Variants in MYH11 observed in about 807,000 individuals in gnomAD.
MYH11 encodes myosin-11.
A neutral mutation model predicts 246.6 loss-of-function variants in MYH11; 80 were observed. That is an observed-to-expected ratio of 0.32 (90% confidence interval 0.27 to 0.39). The LOEUF (loss-of-function observed/expected upper bound fraction) is 0.39, where lower values mean the gene tolerates loss of function less well. MYH11 is among the 10% of genes least tolerant of loss of function. The pLI is 1.00. For synonymous variants in MYH11, 1,071 were observed against 1,015.5 expected (o/e 1.05, Z -1.04); for missense variants, 2,158 against 2,546.8 (o/e 0.85, Z 3.29).
chr16:15,744,487 C>T (rs1192615952), intron 20 of MYH11, among the ~76,000 whole-genome samples: 3 of 150,838 alleles, frequency 2.0e-5, no homozygotes, highest in African/African-American at 7.3e-5. Context: ...GCCACCGTGC[C>T]TGGCCTTTTT....
At chr16:15,778,731 TG>T (rs1306297102) in intron 7 of MYH11, 48 bp downstream of exon 7, 1 of 1,569,444 alleles carries the variant, frequency 6.4e-7, no homozygotes. Flanking sequence ...GGCAGGAGAT[TG>T]GTAGGGGGCA....
intron 3 of MYH11, among the ~76,000 whole-genome samples, chr16:15,816,609 T>C (rs1038680407): frequency 4.6e-5 from 7 of 152,062 alleles, no homozygotes; most frequent in African/African-American, 1.7e-4. Flanking sequence ...GATAAAATTA[T>C]ACTGGGACTC....
At chr16:15,845,285 A>G (rs575107234) in intron 1 of MYH11, among the ~76,000 whole-genome samples, 124 of 138,560 alleles carry the variant, frequency 8.9e-4, no homozygotes, top group Non-Finnish European at 1.5e-3. Flanking sequence ...AAACAGTATG[A>G]TATTTTTTCG....
chr16:15,836,927 G>A (rs1187616296), intron 2 of MYH11, among the ~76,000 whole-genome samples: 4 of 151,866 alleles, frequency 2.6e-5, no homozygotes, highest in East Asian at 1.9e-4. Context: ...GTTTCATCAC[G>A]TTGGCCAGGC....
At chr16:15,723,310 G>A (rs1394014864) in intron 31 of MYH11, among the ~76,000 whole-genome samples, 1 of 152,106 alleles carries the variant, frequency 6.6e-6, no homozygotes, top group Non-Finnish European at 1.5e-5. Flanking sequence ...GCTCTGAAAT[G>A]TACCCAAGAG....
intron 28 of MYH11, 81 bp from the exon 29 acceptor site, chr16:15,725,073 A>C: frequency 2.7e-6 from 3 of 1,112,708 alleles, no homozygotes; most frequent in Non-Finnish European, 4.0e-6. Flanking sequence ...CTCAAAACAC[A>C]TGGGCTAGTA....
At chr16:15,763,741 T>TGGGGCCCCCCCCCC in intron 10 of MYH11, 55 bp downstream of exon 10, 2 of 646,854 alleles carry the variant, frequency 3.1e-6, no homozygotes, top group African/African-American at 2.1e-5. Flanking sequence ...AAATGTCACC[T>TGGGGCCCCCCCCCC]CCCCCACCCC....
intron 5 of MYH11, chr16:15,785,221 G>C (rs954021833): frequency 4.5e-5 from 7 of 154,474 alleles, no homozygotes; most frequent in African/African-American, 1.7e-4. Context: ...GCCACATTAG[G>C]CTCCTTAAAA....
chr16:15,725,570 T>TA (rs1273386667), intron 28 of MYH11: 4 of 407,346 alleles, frequency 9.8e-6, no homozygotes, highest in Non-Finnish European at 1.7e-5. Context: ...TTGAGGCTGT[T>TA]AGCCTACCCC....
At chr16:15,760,171 T>C (rs2041835461) in intron 11 of MYH11, among the ~76,000 whole-genome samples, 1 of 151,890 alleles carries the variant, frequency 6.6e-6, no homozygotes. Flanking sequence ...AAATGAGGGA[T>C]AAAGAGATGG....
Position 15,741,526 on chromosome 16 carries a change from C to T in MYH11, c.2796G>A (p.Glu932=). Residue 932 remains glutamate (E), a synonymous_variant, in exon 22 of 41, where the codon GAG becomes GAA. Coordinates refer to ENST00000300036, the MANE Select transcript of MYH11 (RefSeq NM_002474.3). ...EILHEMEARL[E]EEEDRGQQLQ... ...GCTGCTGGCCCCTGTCTTCCTCCTC[C>T]TCCAGGCGGGCCTCCATCTCATGCA... 6.2e-7 allele frequency: 1 copy of T among 1,610,106 alleles called. No individual in the cohort carries two copies. The highest frequency in any genetic ancestry group is 8.5e-7 in the Non-Finnish European group (1 of 1,180,024).
At chr16:15,744,802 A>G (rs1303617771) in intron 20 of MYH11, among the ~76,000 whole-genome samples, 1 of 152,228 alleles carries the variant, frequency 6.6e-6, no homozygotes, top group Non-Finnish European at 1.5e-5. Flanking sequence ...CGCCCCCGGC[A>G]GCATTCTTGA....
intron 35 of MYH11, 70 bp downstream of exon 35, chr16:15,719,515 G>T: frequency 6.2e-7 from 1 of 1,607,778 alleles, no homozygotes; most frequent in South Asian, 1.1e-5. Context: ...GGAATGCACA[G>T]ACTGGAGCTG....
At position 15,776,714 on chromosome 16, in the gene MYH11, T is replaced by C. The variant is rs7197937; in HGVS notation, c.791-538A>G. ...ACAGCTAACAAGTGGCAAAGCTGTCTTCCATGCCCTCTGTTCCAAGAGTGG... is the reference window on the plus strand; with the variant it reads ...ACAGCTAACAAGTGGCAAAGCTGTCCTCCATGCCCTCTGTTCCAAGAGTGG... On this transcript the variant is annotated intron_variant, in intron 7 of 40. Coordinates refer to ENST00000300036, the MANE Select transcript of MYH11 (RefSeq NM_002474.3). Among the ~76,000 whole-genome samples, 621 of 152,338 alleles carry C rather than the reference T, an allele frequency of 4.1e-3. 2 individuals carry two copies. Among genetic ancestry groups the C allele is most frequent in the Middle Eastern group, 0.017 (5 of 294 alleles).
chr16:15,718,635 G>T, intron 36 of MYH11, 197 bp from the exon 37 acceptor site: 1 of 766,390 alleles, frequency 1.3e-6, no homozygotes, highest in South Asian at 1.9e-5. Flanking sequence ...GTCCGTGTCA[G>T]CAAAGCTGGG....
intron 5 of MYH11, chr16:15,784,687 C>A: frequency 5.0e-6 from 8 of 1,613,844 alleles, no homozygotes; most frequent in Non-Finnish European, 6.8e-6. Flanking sequence ...AAAACACTCT[C>A]AGTTACTCAC....
At chr16:15,763,746 C>G in intron 10 of MYH11, 50 bp downstream of exon 10, 1 of 628,386 alleles carries the variant, frequency 1.6e-6, no homozygotes, top group Admixed American at 2.1e-5. Context: ...TCACCTCCCC[C>G]ACCCCCCCAA....
chr16:15,708,688 G>A, intron 40 of MYH11: 2 of 1,150,810 alleles, frequency 1.7e-6, no homozygotes, highest in Non-Finnish European at 2.6e-6. Flanking sequence ...GATTTTGCAA[G>A]AATCTCGTGG....
intron 3 of MYH11, among the ~76,000 whole-genome samples, chr16:15,818,049 G>A (rs552492643): frequency 2.3e-4 from 35 of 152,334 alleles, no homozygotes; most frequent in African/African-American, 7.9e-4. Context: ...ATGCAAGAAG[G>A]ATGGAGTTTA....
Sources: allele counts gnomAD v4.1 joint callset (sites outside exome capture counted in the v4.1 genomes callset), GRCh38; gene constraint gnomAD v4.1.1; transcripts MANE v1.5; gene names NCBI Gene and HGNC (gene_info 2026-07-23, HGNC 2026-07-21).